The following SMCHD1 variants were observed in gnomAD, a reference collection of about 807,000 sequenced individuals.
SMCHD1 encodes the protein structural maintenance of chromosomes flexible hinge domain-containing protein 1.
A neutral mutation model predicts 254.7 loss-of-function variants in SMCHD1; 78 were observed. That is an observed-to-expected ratio of 0.31 (90% CI 0.26 to 0.37). SMCHD1 has a LOEUF of 0.37. Ranked by LOEUF, SMCHD1 falls within the 10% of genes least tolerant of loss-of-function variation. The probability of loss-of-function intolerance (pLI) is 1.00; values close to 1 mark genes in which losing one functional copy is unlikely to be tolerated. For synonymous variants in SMCHD1, 766 were observed against 794.9 expected (o/e 0.96, Z 0.61); for missense variants, 1,840 against 2,408.1 (o/e 0.76, Z 4.94).
intron 33 of SMCHD1, among the ~76,000 whole-genome samples, chr18:2,751,950 AC>A (rs1173043705): frequency 6.6e-6 from 1 of 152,166 alleles, no homozygotes; most frequent in Non-Finnish European, 1.5e-5. Flanking sequence ...CTTTTATCTT[AC>A]CAAGTCTATG....
Position 2,658,443 on chromosome 18 carries a change from G to C in SMCHD1, c.186+2182G>C, listed in dbSNP as rs76705878. ...TTATACTACTCAAATGGCATTCTTT[G>C]CTGTAGGGAACAGATGTATTTATTC... On this transcript the variant is annotated intron_variant, in intron 1 of 47. Transcript: ENST00000320876. Among the ~76,000 whole-genome samples the C allele has an allele frequency of 4.1e-3, 629 of 152,272 alleles. 4 individuals are homozygous for C. The highest frequency in any genetic ancestry group is 0.015 in the African/African-American group (608 of 41,546).
intron 19 of SMCHD1, among the ~76,000 whole-genome samples, chr18:2,721,651 C>G (rs1268623874): frequency 6.6e-6 from 1 of 152,136 alleles, no homozygotes; most frequent in East Asian, 1.9e-4. Context: ...GCCATGGTAC[C>G]TTCACTTCTC....
chr18:2,749,028 G>A (rs1301584383), intron 30 of SMCHD1, among the ~76,000 whole-genome samples: 3 of 152,172 alleles, frequency 2.0e-5, no homozygotes, highest in African/African-American at 4.8e-5. Context: ...ATTACAGTTG[G>A]AGTTTTTAAA....
intron 45 of SMCHD1, 83 bp from the exon 46 acceptor site, chr18:2,795,866 C>T: frequency 8.6e-7 from 1 of 1,168,190 alleles, no homozygotes; most frequent in East Asian, 2.7e-5. Context: ...AACACAAATT[C>T]CAGTGTTGCT....
intron 34 of SMCHD1, among the ~76,000 whole-genome samples, chr18:2,759,629 G>A (rs1283780559): frequency 1.4e-5 from 2 of 140,878 alleles, no homozygotes; most frequent in African/African-American, 5.3e-5. Context: ...GAGTGCAGTG[G>A]AGTGATCTTG....
rs10601895 is a variant in SMCHD1 at position 2,775,068 on chromosome 18, A to ATT, written c.5176-636_5176-635dup. Reference sequence around the variant, plus strand: ...CCTAGAAACAGAAGCAAAAGGAACAATTTTTTTTTTTTTTTTTTTTTTTTT... The same window carrying ATT: ...CCTAGAAACAGAAGCAAAAGGAACAATTTTTTTTTTTTTTTTTTTTTTTTTTT... On this transcript the variant is annotated intron_variant, in intron 41 of 47. Coordinates refer to ENST00000320876, the MANE Select transcript of SMCHD1 (RefSeq NM_015295.3). Among the ~76,000 whole-genome samples the ATT allele has an allele frequency of 8.1e-3, 594 of 73,058 alleles. 27 individuals carry two copies. The highest frequency in any genetic ancestry group is 0.012 in the Non-Finnish European group (446 of 37,256). The allele number at this position is 73,058 out of a possible 152,430, so 47.9% of individuals were successfully genotyped here. A position where few individuals can be genotyped will look rare whatever the true frequency, so the allele number is the denominator to read the frequency against.
At chr18:2,751,437 C>G in intron 33 of SMCHD1, 44 bp downstream of exon 33, 5 of 1,088,456 alleles carry the variant, frequency 4.6e-6, no homozygotes, top group Non-Finnish European at 6.7e-6. Context: ...ATAGTTCTTA[C>G]ATTTAACTTA....
At chr18:2,755,565 C>CTTTTTTTTTTTTTTTTTT (rs11413061) in intron 34 of SMCHD1, among the ~76,000 whole-genome samples, 1 of 108,142 alleles carries the variant, frequency 9.2e-6, no homozygotes. Context: ...TTCTTTCTTT[C>CTTTTTTTTTTTTTTTTTT]TTTTTTTTTT....
intron 23 of SMCHD1, 81 bp downstream of exon 23, chr18:2,728,677 T>C: frequency 7.2e-7 from 1 of 1,396,002 alleles, no homozygotes; most frequent in Non-Finnish European, 9.7e-7. Context: ...ATAGTAAGTC[T>C]TACACAGGAT....
intron 45 of SMCHD1, among the ~76,000 whole-genome samples, chr18:2,785,826 T>C (rs1482072632): frequency 1.9e-4 from 29 of 152,100 alleles, no homozygotes; most frequent in Admixed American, 1.9e-3. Flanking sequence ...GACTTCTAGA[T>C]ACTTCATATA....
At chr18:2,734,073 C>T (rs902357555) in intron 25 of SMCHD1, among the ~76,000 whole-genome samples, 3 of 152,170 alleles carry the variant, frequency 2.0e-5, no homozygotes, top group Admixed American at 6.5e-5. Context: ...GCCACGGGTT[C>T]AACTGACCTG....
At chr18:2,673,227 A>G in intron 3 of SMCHD1, 54 bp from the exon 4 acceptor site, 3 of 1,497,708 alleles carry the variant, frequency 2.0e-6, no homozygotes, top group Non-Finnish European at 2.7e-6. Context: ...TTGAACTTTT[A>G]TATAAAGTAT....
At chr18:2,658,854 A>ATG (rs1475919547) in intron 1 of SMCHD1, among the ~76,000 whole-genome samples, 1 of 150,826 alleles carries the variant, frequency 6.6e-6, no homozygotes, top group Non-Finnish European at 1.5e-5. Context: ...GTATATGTAT[A>ATG]TATACATATA....
At chr18:2,782,212 CATTCCAGAA>C (rs1315514928) in intron 44 of SMCHD1, among the ~76,000 whole-genome samples, 1 of 152,114 alleles carries the variant, frequency 6.6e-6, no homozygotes, top group East Asian at 1.9e-4. Context: ...TAATATTGTT[CATTCCAGAA>C]TTTGCAGAAT....
At chr18:2,679,105 C>T (rs2073858028) in intron 5 of SMCHD1, among the ~76,000 whole-genome samples, 1 of 150,604 alleles carries the variant, frequency 6.6e-6, no homozygotes, top group African/African-American at 2.4e-5. Flanking sequence ...CTCGGCCTCC[C>T]GAAGTGCTGG....
intron 28 of SMCHD1, among the ~76,000 whole-genome samples, chr18:2,743,347 T>A (rs767614110): frequency 6.6e-6 from 1 of 152,092 alleles, no homozygotes; most frequent in Non-Finnish European, 1.5e-5. Flanking sequence ...TGCCAATAAG[T>A]AAGGTGATCA....
chr18:2,671,014 G>A (rs1210190466), intron 3 of SMCHD1, among the ~76,000 whole-genome samples: 1 of 141,778 alleles, frequency 7.1e-6, no homozygotes, highest in East Asian at 2.1e-4. Context: ...TCGGCTCACC[G>A]CAACCTCCGC....
chr18:2,676,071 C>G lies in SMCHD1; in HGVS notation c.638+1926C>G, dbSNP rs371796648. ...GATACACCCCTTCAGCCTCTAGCTT[C>G]TGCTCAGTTGCTTTACTCCTTCCAT... is the stretch of plus-strand genomic sequence containing the variant. On this transcript the variant is annotated intron_variant, in intron 5 of 47. Coordinates refer to ENST00000320876, the MANE Select transcript of SMCHD1 (RefSeq NM_015295.3). Among the ~76,000 whole-genome samples the G allele has an allele frequency of 3.3e-5, 5 of 152,296 alleles. No individual in the cohort carries two copies. The East Asian group carries it at 9.6e-4, about 29-fold the overall frequency.
At chr18:2,717,856 A>T (rs2074837541) in intron 17 of SMCHD1, among the ~76,000 whole-genome samples, 1 of 152,106 alleles carries the variant, frequency 6.6e-6, no homozygotes, top group Non-Finnish European at 1.5e-5. Context: ...GTGGGCAATA[A>T]ATAAGGAATT....
Sources: allele counts gnomAD v4.1 joint callset (sites outside exome capture counted in the v4.1 genomes callset), GRCh38; gene constraint gnomAD v4.1.1; transcripts MANE v1.5; gene names NCBI Gene and HGNC (gene_info 2026-07-23, HGNC 2026-07-21).